Variants in HELZ2 observed in about 807,000 individuals in gnomAD.
The protein encoded by HELZ2 is 3'-5' exoribonuclease HELZ2.
Under a neutral mutation model 208.8 loss-of-function variants are expected in HELZ2, and 143 were observed. The ratio of observed to expected loss-of-function variants is 0.68; its 90% CI spans 0.60 to 0.79. HELZ2 has a LOEUF of 0.79. Among genes scored for constraint, HELZ2 ranks in the 30% least tolerant of loss-of-function variants. The pLI, the probability that HELZ2 is intolerant of heterozygous loss-of-function variation, is 0.00. For missense variants in HELZ2, 3,690 were observed against 3,794.5 expected (o/e 0.97, Z 0.72); for synonymous variants, 1,705 against 1,693.7 (o/e 1.01, Z -0.16).
chr20:63,558,615 T>C (rs1442126641), downstream of HELZ2: 2 of 152,234 alleles, frequency 1.3e-5, no homozygotes, highest in African/African-American at 4.8e-5. Context: ...CAGAGCTCAC[T>C]GCAGCCTGCG....
Position 63,562,913 on chromosome 20 carries a change from C to T in HELZ2, c.5909G>A (p.Ser1970Asn), listed in dbSNP as rs1273384608. 3.8e-6 allele frequency: 6 copies of T among 1,596,586 alleles called. No homozygotes were observed. The highest frequency in any genetic ancestry group is 1.3e-5 in the African/African-American group (1 of 74,828). Residue 1970 changes from serine to asparagine, a missense_variant, in exon 8 of 19, where the codon AGT becomes AAT. By Grantham distance (46) the Ser-to-Asn change is conservative (BLOSUM62 1). Coordinates refer to ENST00000467148, the Ensembl canonical transcript of HELZ2. Reference sequence around the variant, plus strand: ...CGTCCGTGACGCCTCCCAGGAGACACTCAGGTGCTGAAGTGTGACGGAGTC... The same window carrying T: ...CGTCCGTGACGCCTCCCAGGAGACATTCAGGTGCTGAAGTGTGACGGAGTC...
At chr20:63,559,882 G>C in intron 18 of HELZ2, 46 bp downstream of exon 19, 1 of 1,592,412 alleles carries the variant, frequency 6.3e-7, no homozygotes, top group South Asian at 1.1e-5. Flanking sequence ...CCCAGCCCTG[G>C]CCTCACCTGT....
Position 63,566,873 on chromosome 20 carries a change from AC to A in HELZ2, c.2484del (p.Arg828SerfsTer15). The A allele has an allele frequency of 1.2e-6, 2 of 1,604,796 alleles. No homozygotes were observed. The highest frequency in any genetic ancestry group is 1.7e-6 in the Non-Finnish European group (2 of 1,179,302). On this transcript the variant is annotated frameshift_variant, in exon 6 of 19. Transcript: ENST00000467148. LOFTEE classifies it high-confidence loss of function. Reference sequence around the variant, plus strand: ...GCACCGTGGGAAACGACACAGATGCACCTCTGCTCGCGGCCGCCCCAGCAGC... The same window carrying A: ...GCACCGTGGGAAACGACACAGATGCACTCTGCTCGCGGCCGCCCCAGCAGC...
chr20:63,563,227 G>T, exon 8 of HELZ2: 1 of 1,570,238 alleles, frequency 6.4e-7, no homozygotes, highest in East Asian at 2.3e-5. Context: ...GGCCACAGTG[G>T]CTCCGCTGCA....
chr20:63,565,648 C>A, exon 8 of HELZ2: 1 of 1,610,678 alleles, frequency 6.2e-7, no homozygotes, highest in Non-Finnish European at 8.5e-7. Flanking sequence ...AGAAGTCAGC[C>A]TCTGCATCCT....
At chr20:63,559,162 C>T, downstream of HELZ2, 1 of 1,338,636 alleles carries the variant, frequency 7.5e-7, no homozygotes. Flanking sequence ...CCCAGGCAGG[C>T]TGATGGCGGA....
chr20:63,561,045 C>T (rs762994097), intron 14 of HELZ2, 37 bp downstream of exon 15: 33 of 1,598,762 alleles, frequency 2.1e-5, no homozygotes, highest in Non-Finnish European at 2.6e-5. Context: ...GTGCCAGGGA[C>T]GCCTGCTCAT....
Position 63,567,594 on chromosome 20 carries a change from G to A in HELZ2, c.1764C>T (p.His588=), listed in dbSNP as rs376089318. ...CGGGGTGGCCGCCGCTGACGTGGCTGTGGAAATACTCCCGGATGTAGATGT... is the reference window on the plus strand; with the variant it reads ...CGGGGTGGCCGCCGCTGACGTGGCTATGGAAATACTCCCGGATGTAGATGT... The change falls in exon 6 of 19, where the codon CAC becomes CAT. Residue 588 remains histidine, a synonymous_variant. Transcript: ENST00000467148. 1.3e-3 allele frequency: 2,080 copies of A among 1,598,932 alleles called. 36 individuals are homozygous for A. In the South Asian group the frequency reaches 0.022, roughly 17 times the overall value.
At chr20:63,565,165 G>A (rs748088184) in exon 8 of HELZ2, 3 of 1,600,048 alleles carry the variant, frequency 1.9e-6, no homozygotes, top group Non-Finnish European at 2.6e-6. Flanking sequence ...CGGAGCCATT[G>A]ATGGGGACCA....
Position 63,572,358 on chromosome 20 carries a change from C to G in HELZ2, c.28G>C (p.Gly10Arg), listed in dbSNP as rs1157188528. ...AGCAGGTCCCCCCGCTGGAGGCCAC[C>G]CAGCTGCTCGGCCTCCCACACAGCC... Residue 10 changes from glycine to arginine, a missense_variant, in exon 1 of 19, where the codon GGT becomes CGT. By Grantham distance (125) the Gly-to-Arg change is moderately radical (BLOSUM62 -2). Transcript: ENST00000467148. The G allele has an allele frequency of 3.1e-5, 49 of 1,557,866 alleles. No homozygotes were observed. Among genetic ancestry groups the G allele is most frequent in the Non-Finnish European group, 4.2e-5 (49 of 1,155,930 alleles).
chr20:63,564,627 G>A (rs1442113001), exon 8 of HELZ2: 11 of 1,568,946 alleles, frequency 7.0e-6, no homozygotes, highest in South Asian at 1.2e-5. Flanking sequence ...TCCCTGCCGG[G>A]GGCATAGAAC....
upstream of HELZ2, chr20:63,572,519 C>T (rs548371607): frequency 9.4e-6 from 9 of 954,964 alleles, no homozygotes; most frequent in South Asian, 7.1e-5. Context: ...CTGTTGCTTG[C>T]GGCGGCCCTC....
In HELZ2 at chr20:63,568,988, C is replaced by T. The variant is rs751212065; in HGVS notation, c.1100G>A (p.Arg367Gln). 6.2e-6 allele frequency: 10 copies of T among 1,601,946 alleles called. No homozygotes were observed. The highest frequency in any genetic ancestry group is 1.3e-5 in the African/African-American group (1 of 75,038). Residue 367 changes from arginine (R) to glutamine (Q), a missense_variant, in exon 5 of 19, where the codon CGG becomes CAG. Transcript: ENST00000467148. ...TGCCGTCTTCAGGAACACCTGGCCCCGCAGGGTCAGCCTGGCAGGATGGCC... is the reference window on the plus strand; with the variant it reads ...TGCCGTCTTCAGGAACACCTGGCCCTGCAGGGTCAGCCTGGCAGGATGGCC...
exon 18 of HELZ2, chr20:63,559,986 C>G: frequency 6.2e-7 from 1 of 1,612,272 alleles, no homozygotes; most frequent in Non-Finnish European, 8.5e-7. Context: ...GGTTGGGGTC[C>G]ACAACGAAGC....
At chr20:63,561,260 A>G in exon 14 of HELZ2, 1 of 1,612,666 alleles carries the variant, frequency 6.2e-7, no homozygotes, top group Non-Finnish European at 8.5e-7. Flanking sequence ...AGCCTCCCAC[A>G]AGACCTTCTT....
intron 1 of HELZ2, chr20:63,571,396 TACG>T (rs1456927178): frequency 1.4e-4 from 18 of 131,232 alleles, no homozygotes; most frequent in East Asian, 5.5e-4. Context: ...TGGCTCTGCC[TACG>T]GTGGGCTCCT....
chr20:63,572,462 T>C, upstream of HELZ2: 1 of 1,313,082 alleles, frequency 7.6e-7, no homozygotes, highest in Non-Finnish European at 1.0e-6. Context: ...AAACCTGCAG[T>C]AGGCAGGAGG....
At chr20:63,564,921 C>A in exon 8 of HELZ2, 1 of 1,611,584 alleles carries the variant, frequency 6.2e-7, no homozygotes, top group South Asian at 1.1e-5. Flanking sequence ...TACTCCAGGC[C>A]GAGGATGCGG....
At chr20:63,562,436 G>C (rs1302193072) in intron 8 of HELZ2, 54 bp from the exon 10 acceptor site, 3 of 1,532,196 alleles carry the variant, frequency 2.0e-6, no homozygotes, top group African/African-American at 1.4e-5. Flanking sequence ...GAAAGGGGCT[G>C]CTGCCCCACG....
Sources: gnomAD v4.1 joint callset for allele counts on GRCh38, gnomAD v4.1.1 for gene constraint, MANE v1.5 for transcripts, NCBI Gene and HGNC (gene_info 2026-07-23, HGNC 2026-07-21) for gene names.